PLA2G6: variants seen among roughly 807,000 people sequenced by gnomAD.
PLA2G6 encodes 85/88 kDa calcium-independent phospholipase A2.
Under a neutral mutation model 83.8 loss-of-function variants are expected in PLA2G6, and 62 were observed. The ratio of observed to expected loss-of-function variants is 0.74; its 90% CI spans 0.60 to 0.91. The LOEUF (loss-of-function observed/expected upper bound fraction) is 0.91. Among genes scored for constraint, PLA2G6 ranks in the 40% least tolerant of loss-of-function variants. The probability of loss-of-function intolerance (pLI) is 0.00; values close to 1 mark genes in which losing one functional copy is unlikely to be tolerated. For synonymous variants in PLA2G6, 417 were observed against 449.8 expected (o/e 0.93, Z 0.92); for missense variants, 944 against 1,102.0 (o/e 0.86, Z 2.03).
chr22:38,135,266 A>C, intron 5 of PLA2G6, 182 bp from the exon 6 acceptor site: 4 of 590,174 alleles, frequency 6.8e-6, no homozygotes, highest in Non-Finnish European at 1.2e-5. Context: ...GGCACAACTA[A>C]CCCCCTCCTC....
Position 38,143,261 on chromosome 22 carries a change from C to G in PLA2G6, c.453G>C (p.Glu151Asp). ...ISCANCAENE[E>D]GCTPLHLACR... ...AGGCCAGGTGCAGGGGTGTGCAGCC[C>G]TCCTCGTTCTCCGCGCAATTGGCAC... Residue 151 changes from glutamate (E) to aspartate (D), a missense_variant, in exon 4 of 17, where the codon GAG becomes GAC. By Grantham distance (45) the Glu-to-Asp change is conservative. Coordinates refer to ENST00000332509, the MANE Select transcript of PLA2G6 (RefSeq NM_003560.4). The G allele has an allele frequency of 6.2e-7, 1 of 1,613,466 alleles. No individual in the cohort carries two copies.
chr22:38,132,621 C>T lies in PLA2G6; in HGVS notation c.1077+210G>A. 5.0e-6 allele frequency: 3 copies of T among 596,984 alleles called. No homozygotes were observed. The highest frequency in any genetic ancestry group is 9.0e-6 in the Non-Finnish European group (3 of 334,438). 37.0% of individuals were successfully genotyped at this position (596,984 alleles called of 1,614,324 possible). A position where few individuals can be genotyped will look rare whatever the true frequency, so the allele number is the denominator to read the frequency against. On this transcript the variant is annotated intron_variant, in intron 7 of 16. Coordinates refer to ENST00000332509, the MANE Select transcript of PLA2G6 (RefSeq NM_003560.4). The surrounding 1 kb of genome is among the most constrained non-coding windows in gnomAD (Gnocchi z 5.0). ...CACAGGTGGAAAAGGTACCACAGCA[C>T]ACAGGAGGTGGTGTTATTTTGGGCT...
At chr22:38,121,078 A>C (rs756789594) in intron 11 of PLA2G6, 169 bp from the exon 12 acceptor site, 62 of 656,040 alleles carry the variant, frequency 9.5e-5, no homozygotes, top group Admixed American at 3.1e-4. Flanking sequence ...CCAGACAGAC[A>C]GAGAGAAACC....
intron 2 of PLA2G6, among the ~76,000 whole-genome samples, chr22:38,155,233 A>G (rs1448809954): frequency 6.6e-6 from 1 of 152,152 alleles, no homozygotes; most frequent in Non-Finnish European, 1.5e-5. Flanking sequence ...TCTCAAAAAA[A>G]AAAAAAAGAA....
At chr22:38,145,784 AACACAC>A (rs132936) in intron 2 of PLA2G6, 131 bp from the exon 3 acceptor site, 40,943 of 481,810 alleles carry the variant, frequency 0.085, 743 homozygotes, top group African/African-American at 0.18. Flanking sequence ...CTCCCAAGCA[AACACAC>A]ACACACACAC....
At chr22:38,173,189 G>C (rs930421968) in intron 1 of PLA2G6, among the ~76,000 whole-genome samples, 1 of 152,134 alleles carries the variant, frequency 6.6e-6, no homozygotes, top group Non-Finnish European at 1.5e-5. Context: ...ACAGCTGCAA[G>C]AGGGGGATGG....
At chr22:38,116,233 G>A (rs766703812) in intron 12 of PLA2G6, 22 bp from the exon 13 acceptor site, 3 of 1,613,586 alleles carry the variant, frequency 1.9e-6, no homozygotes, top group Non-Finnish European at 1.7e-6. Flanking sequence ...TGAGGCAGGA[G>A]GACGGCTGAG....
intron 2 of PLA2G6, chr22:38,148,003 A>T (rs999778303): frequency 6.2e-6 from 1 of 160,978 alleles, no homozygotes; most frequent in African/African-American, 2.4e-5. Flanking sequence ...GAAGGAAGCC[A>T]TTCCTCATTG....
chr22:38,165,815 T>C (rs1369859349), intron 2 of PLA2G6, among the ~76,000 whole-genome samples: 3 of 151,944 alleles, frequency 2.0e-5, no homozygotes, highest in Admixed American at 2.0e-4. Context: ...AGGAGGCAGA[T>C]CTTGCAGTGA....
chr22:38,115,786 G>A, intron 13 of PLA2G6, 105 bp from the exon 14 acceptor site: 24 of 1,494,736 alleles, frequency 1.6e-5, no homozygotes, highest in Non-Finnish European at 2.0e-5. Context: ...GGTGCGGGAA[G>A]AGGGGAGGCT....
At chr22:38,152,933 A>C (rs1324255569) in intron 2 of PLA2G6, among the ~76,000 whole-genome samples, 1 of 152,216 alleles carries the variant, frequency 6.6e-6, no homozygotes, top group Non-Finnish European at 1.5e-5. Flanking sequence ...CAGTGATGGA[A>C]TGCACATAGG....
At chr22:38,157,150 AACAAT>A (rs576706470) in intron 2 of PLA2G6, among the ~76,000 whole-genome samples, 26 of 152,174 alleles carry the variant, frequency 1.7e-4, no homozygotes, top group Non-Finnish European at 3.1e-4. Context: ...ATTGAAACAA[AACAAT>A]ACAAAAGATC....
At chr22:38,181,037 C>A (rs1354092950) in intron 1 of PLA2G6, among the ~76,000 whole-genome samples, 1 of 152,068 alleles carries the variant, frequency 6.6e-6, no homozygotes, top group Non-Finnish European at 1.5e-5. Flanking sequence ...AAAAATACGG[C>A]CACAGGTCCC....
chr22:38,120,920 A>T lies in PLA2G6; in HGVS notation c.1592-11T>A. 2 of 1,612,910 alleles carry T rather than the reference A, an allele frequency of 1.2e-6. No individual in the cohort carries two copies. The highest frequency in any genetic ancestry group is 1.7e-6 in the Non-Finnish European group (2 of 1,179,918). The stretch of plus-strand genomic sequence containing the variant: ...AGGCCATGGACTTACCTAGGAACAA[A>T]GGGGTCAGAGGCGGGGAGATGCAGC... On this transcript the variant is annotated splice_polypyrimidine_tract_variant and intron_variant, in intron 11 of 16. Coordinates refer to ENST00000332509, the MANE Select transcript of PLA2G6 (RefSeq NM_003560.4).
intron 2 of PLA2G6, among the ~76,000 whole-genome samples, chr22:38,160,651 C>T (rs1331742829): frequency 6.6e-6 from 1 of 152,148 alleles, no homozygotes; most frequent in Non-Finnish European, 1.5e-5. Context: ...TCAAGACCAT[C>T]CTGGCTAACA....
At chr22:38,142,671 G>A (rs2088988658) in intron 4 of PLA2G6, 3 of 269,706 alleles carry the variant, frequency 1.1e-5, no homozygotes, top group Non-Finnish European at 2.2e-5. Context: ...AATTTGTGTT[G>A]GGCCACATTC....
chr22:38,132,769 G>C lies in PLA2G6; in HGVS notation c.1077+62C>G. On this transcript the variant is annotated intron_variant, in intron 7 of 16. Coordinates refer to ENST00000332509, the MANE Select transcript of PLA2G6 (RefSeq NM_003560.4). The surrounding 1 kb of genome is among the most constrained non-coding windows in gnomAD (Gnocchi z 5.0). ...ACAGTGGGGAGGAGGGCTCCAGTCCGGACAGCCCTCCTGCATTCCCACCGG... is the reference window on the plus strand; with the variant it reads ...ACAGTGGGGAGGAGGGCTCCAGTCCCGACAGCCCTCCTGCATTCCCACCGG... 1 of 1,415,082 alleles carries C rather than the reference G, an allele frequency of 7.1e-7. No homozygotes were observed. The highest frequency in any genetic ancestry group is 2.0e-5 in the Admixed American group (1 of 50,262). 87.7% of individuals were successfully genotyped at this position (1,415,082 alleles called of 1,614,324 possible).
chr22:38,126,308 G>T, intron 10 of PLA2G6, 63 bp downstream of exon 10: 2 of 1,243,410 alleles, frequency 1.6e-6, no homozygotes, highest in South Asian at 1.2e-5. Context: ...CACAACAGGG[G>T]GTGGGTGAGG....
intron 2 of PLA2G6, chr22:38,146,712 A>ATATTAT (rs1303837861): frequency 6.6e-6 from 1 of 152,014 alleles, no homozygotes; most frequent in Non-Finnish European, 1.5e-5. Context: ...ATAACTATGT[A>ATATTAT]ATAAACTATT....
Sources: gnomAD v4.1 joint callset for allele counts (sites outside exome capture counted in the v4.1 genomes callset) on GRCh38, gnomAD v4.1.1 for gene constraint, Gnocchi (gnomAD v3.1) non-coding constraint, MANE v1.5 for transcripts, NCBI Gene and HGNC (gene_info 2026-07-23, HGNC 2026-07-21) for gene names.